MMP20: variants seen among roughly 807,000 people sequenced by gnomAD.
MMP20 encodes matrix metallopeptidase 20.
MMP20 carries 50 observed loss-of-function variants against 51.8 expected under a neutral mutation model. The observed-to-expected ratio is 0.97, with a 90% CI of 0.77 to 1.22. The LOEUF (loss-of-function observed/expected upper bound fraction) is 1.22. Among genes scored for constraint, MMP20 ranks in the 50% most tolerant of loss-of-function variants. MMP20 has a pLI of 0.00. For missense variants in MMP20, 663 were observed against 601.4 expected, an observed-to-expected ratio of 1.10 and a Z score of -1.07; for synonymous variants, 244 against 216.2, an observed-to-expected ratio of 1.13 and a Z score of -1.13.
chr11:102,610,168 G>A (rs538541254), intron 3 of MMP20, 138 bp from the exon 4 acceptor site: 25 of 1,012,156 alleles, frequency 2.5e-5, no homozygotes, highest in South Asian at 1.5e-4. Context: ...GTTATAATGG[G>A]AAGTTCATTT....
At position 102,625,321 on chromosome 11, in the gene MMP20, C is replaced by T; in HGVS notation, c.-2G>A. On this transcript the variant is annotated 5_prime_UTR_variant, in exon 1 of 10. Transcript: ENST00000260228. ...GCCAGATGCAGGGAGCACCTTCATCCCCTCACAGTAGCTTGGTAATTATAT... is the reference window on the plus strand; with the variant it reads ...GCCAGATGCAGGGAGCACCTTCATCTCCTCACAGTAGCTTGGTAATTATAT... 1.9e-6 allele frequency: 3 copies of T among 1,613,018 alleles called. No individual in the cohort carries two copies. Among genetic ancestry groups the T allele is most frequent in the Non-Finnish European group, 2.5e-6 (3 of 1,179,450 alleles).
intron 6 of MMP20, among the ~76,000 whole-genome samples, chr11:102,601,614 A>T (rs1354557756): frequency 6.6e-6 from 1 of 152,202 alleles, no homozygotes; most frequent in African/African-American, 2.4e-5. Flanking sequence ...TTCAAAACCC[A>T]CGAAGCCTCC....
In MMP20 at chr11:102,598,360, A is replaced by G. The variant is rs542723087; in HGVS notation, c.954-3603T>C. On this transcript the variant is annotated intron_variant, in intron 6 of 9. Transcript: ENST00000260228. Reference sequence around the variant, plus strand: ...AATAAACAGATTATATCACTAGTCTATAATTTGATCTTTGATAAGGAAGGC... The same window carrying G: ...AATAAACAGATTATATCACTAGTCTGTAATTTGATCTTTGATAAGGAAGGC... Among the ~76,000 whole-genome samples, 118 of 152,352 alleles carry G rather than the reference A, an allele frequency of 7.7e-4. 1 individual carries two copies. The South Asian group carries it at 0.01, about 13-fold the overall frequency.
At chr11:102,602,024 A>C (rs2135937852) in intron 6 of MMP20, among the ~76,000 whole-genome samples, 1 of 143,342 alleles carries the variant, frequency 7.0e-6, no homozygotes, top group East Asian at 2.0e-4. Flanking sequence ...ATCTCGGCTC[A>C]CTACAAGCTC....
chr11:102,587,426 C>G (rs1386971517), intron 8 of MMP20, among the ~76,000 whole-genome samples: 1 of 152,066 alleles, frequency 6.6e-6, no homozygotes, highest in African/African-American at 2.4e-5. Flanking sequence ...GTATTCTGCT[C>G]TTTTTGGGTA....
At chr11:102,578,973 G>T in intron 9 of MMP20, 66 bp downstream of exon 9, 2 of 1,218,014 alleles carry the variant, frequency 1.6e-6, no homozygotes, top group Non-Finnish European at 2.4e-6. Context: ...TTTCTGTTGT[G>T]TTAAAGCAAA....
intron 4 of MMP20, 139 bp from the exon 5 acceptor site, chr11:102,609,237 G>C: frequency 1.2e-6 from 1 of 819,662 alleles, no homozygotes; most frequent in African/African-American, 1.7e-5. Context: ...AAGGTTGGTA[G>C]GTTATTCTGG....
intron 8 of MMP20, among the ~76,000 whole-genome samples, chr11:102,589,627 T>C (rs1711402): frequency 0.9 from 137,412 of 152,190 alleles, 62,105 homozygotes; most frequent in East Asian, 0.99. Context: ...ATCCAAATTG[T>C]CAGATAATTG....
At chr11:102,609,778 T>A (rs139791296) in intron 4 of MMP20, 127 bp downstream of exon 4, 1 of 1,369,086 alleles carries the variant, frequency 7.3e-7, no homozygotes, top group East Asian at 2.3e-5. Context: ...ATTTTTGGCT[T>A]ACTTGTTTTT....
chr11:102,602,833 A>G (rs1859465906), intron 6 of MMP20, among the ~76,000 whole-genome samples: 1 of 152,214 alleles, frequency 6.6e-6, no homozygotes, highest in African/African-American at 2.4e-5. Flanking sequence ...ATTGGGCAAA[A>G]CCCAACATAA....
intron 9 of MMP20, among the ~76,000 whole-genome samples, chr11:102,578,325 C>CA (rs1859150842): frequency 6.6e-6 from 1 of 151,778 alleles, no homozygotes; most frequent in Non-Finnish European, 1.5e-5. Flanking sequence ...TTTGTAGAGA[C>CA]AGAGTTTTGC....
chr11:102,616,324 A>G (rs1254969097), intron 2 of MMP20, among the ~76,000 whole-genome samples: 1 of 152,164 alleles, frequency 6.6e-6, no homozygotes, highest in Non-Finnish European at 1.5e-5. Context: ...GTCTGTTTGC[A>G]TGTCTGTCTC....
At chr11:102,600,799 A>G (rs1023672081) in intron 6 of MMP20, among the ~76,000 whole-genome samples, 4 of 151,928 alleles carry the variant, frequency 2.6e-5, no homozygotes, top group African/African-American at 9.7e-5. Context: ...TTTGCTCTTT[A>G]ACCCCTTTCC....
chr11:102,578,974 T>C, intron 9 of MMP20, 65 bp downstream of exon 9: 1 of 1,241,226 alleles, frequency 8.1e-7, no homozygotes. Flanking sequence ...TTCTGTTGTG[T>C]TAAAGCAAAG....
At chr11:102,613,208 C>CT (rs1306375720) in intron 2 of MMP20, among the ~76,000 whole-genome samples, 1 of 152,200 alleles carries the variant, frequency 6.6e-6, no homozygotes, top group East Asian at 1.9e-4. Context: ...ATTGTTAGAA[C>CT]TTTCTGCTCT....
chr11:102,593,247 G>A (rs1859338059), intron 8 of MMP20, among the ~76,000 whole-genome samples, 192 bp downstream of exon 8: 1 of 152,164 alleles, frequency 6.6e-6, no homozygotes, highest in Admixed American at 6.5e-5. Context: ...ATTGAATGAA[G>A]GTTTCACTCA....
At chr11:102,585,729 C>G (rs1266913156) in intron 8 of MMP20, among the ~76,000 whole-genome samples, 1 of 152,080 alleles carries the variant, frequency 6.6e-6, no homozygotes. Context: ...ATGCCATCAG[C>G]TGTGGGTTTT....
chr11:102,579,106 A>T lies in MMP20; in HGVS notation c.1284T>A (p.Tyr428Ter), dbSNP rs557934157. 6.2e-7 allele frequency: 1 copy of T among 1,613,638 alleles called. No individual in the cohort carries two copies. Among genetic ancestry groups the T allele is most frequent in the Admixed American group, 1.7e-5 (1 of 60,024 alleles). Residue 428 changes from tyrosine (Y) to a stop codon, truncating the protein, a stop_gained, in exon 9 of 10, where the codon TAT (tyrosine) becomes TAA (stop). Transcript: ENST00000260228. LOFTEE classifies it high-confidence loss of function. ...AAAATTCTTCTTCAGTATTCTTTGG[A>T]TAGTCTTTTTCCATTTTCCTTTTCC... ...DERKRKMEKD[Y>*]PKNTEEEFSG...
intron 6 of MMP20, among the ~76,000 whole-genome samples, chr11:102,600,515 G>T (rs1016990892): frequency 6.6e-6 from 1 of 151,754 alleles, no homozygotes; most frequent in Non-Finnish European, 1.5e-5. Flanking sequence ...ATAGGGTCTC[G>T]CTCTGTCACC....
Sources: gnomAD v4.1 joint callset for allele counts (sites outside exome capture counted in the v4.1 genomes callset) on GRCh38, gnomAD v4.1.1 for gene constraint, MANE v1.5 for transcripts, NCBI Gene and HGNC (gene_info 2026-07-23, HGNC 2026-07-21) for gene names.